Variants in PCDHA4 observed in about 807,000 individuals in gnomAD.
The protein encoded by PCDHA4 is protocadherin alpha 4.
PCDHA4 carries 49 observed loss-of-function variants against 61.4 expected under a neutral mutation model. The ratio of observed to expected loss-of-function variants is 0.80; its 90% CI spans 0.63 to 1.01. The LOEUF is 1.01. Ranked by LOEUF, PCDHA4 falls within the 50% of genes least tolerant of loss-of-function variation. The pLI is 0.00. For synonymous variants in PCDHA4, 590 were observed against 550.3 expected (o/e 1.07, Z -1.01); for missense variants, 1,254 against 1,235.8 (o/e 1.01, Z -0.22).
At chr5:140,927,547 G>A (rs2084343936) in intron 1 of PCDHA4, 2 of 1,614,126 alleles carry the variant, frequency 1.2e-6, no homozygotes, top group Non-Finnish European at 8.5e-7. Flanking sequence ...AGACGCACAA[G>A]TCACCATCAT....
chr5:140,872,999 T>C (rs534267052), intron 1 of PCDHA4, among the ~76,000 whole-genome samples: 3 of 152,296 alleles, frequency 2.0e-5, no homozygotes, highest in African/African-American at 7.2e-5. Context: ...TACTTCTGAG[T>C]CATTCTTCAT....
At chr5:141,009,577 C>T in intron 3 of PCDHA4, 50 bp from the exon 4 acceptor site, 1 of 1,584,324 alleles carries the variant, frequency 6.3e-7, no homozygotes, top group South Asian at 1.2e-5. Flanking sequence ...AGTGTGGCAT[C>T]AAGAGCATGT....
In PCDHA4 at chr5:140,850,252, G is replaced by GCGC. The variant is rs2150475866; in HGVS notation, c.2385+40683_2385+40685dup. ...AGCGAGATGGTGCTGCGGTCGGTGG[G>GCGC]CGCCGGCGTAGTGGTGGGGAAGGTG... is the stretch of plus-strand genomic sequence containing the variant. On this transcript the variant is annotated intron_variant, in intron 1 of 3. Coordinates refer to ENST00000530339, the MANE Select transcript of PCDHA4 (RefSeq NM_018907.4). 12 of 1,593,714 alleles carry GCGC rather than the reference G, an allele frequency of 7.5e-6. No homozygotes were observed. The East Asian group carries it at 2.7e-4, about 36-fold the overall frequency.
rs200253752 is a variant in PCDHA4, at chr5:140,890,259, T to TA, written c.2385+80687_2385+80688insA. ...TTTACCAGTACACTACTGCACCTGA[T>TA]TGCAAGCAAGAACCACTCAGTTGAG... On this transcript the variant is annotated intron_variant, in intron 1 of 3. Coordinates refer to ENST00000530339, the MANE Select transcript of PCDHA4 (RefSeq NM_018907.4). Among the ~76,000 whole-genome samples the TA allele has an allele frequency of 8.0e-3, 1,219 of 152,258 alleles. 6 individuals carry two copies. Among genetic ancestry groups the TA allele is most frequent in the African/African-American group, 0.019 (787 of 41,546 alleles).
chr5:140,942,906 G>A (rs1454697434), intron 1 of PCDHA4, among the ~76,000 whole-genome samples: 1 of 151,800 alleles, frequency 6.6e-6, no homozygotes, highest in South Asian at 2.1e-4. Flanking sequence ...CTAAGAATAA[G>A]CGTGAAGAAA....
intron 3 of PCDHA4, among the ~76,000 whole-genome samples, chr5:140,994,116 T>C: frequency 6.6e-6 from 1 of 152,196 alleles, no homozygotes; most frequent in East Asian, 1.9e-4. Context: ...CATTGTCATG[T>C]GATAAGGGCG....
At chr5:140,855,751 T>G in intron 1 of PCDHA4, 1 of 328,292 alleles carries the variant, frequency 3.0e-6, no homozygotes, top group Non-Finnish European at 5.6e-6. Flanking sequence ...ATGTGAGGCT[T>G]TGAAAGTCCA....
intron 3 of PCDHA4, among the ~76,000 whole-genome samples, chr5:140,983,853 A>T (rs1447321377): frequency 6.6e-6 from 1 of 152,230 alleles, no homozygotes; most frequent in African/African-American, 2.4e-5. Context: ...ATTAAGTAAC[A>T]TGCAGCTAAG....
At chr5:141,005,520 G>A (rs34458028) in intron 3 of PCDHA4, among the ~76,000 whole-genome samples, 7,602 of 151,238 alleles carry the variant, frequency 0.05, 239 homozygotes, top group South Asian at 0.11. Flanking sequence ...TGGCTAACAC[G>A]GTGAAACCCC....
chr5:140,843,319 G>A lies in PCDHA4; in HGVS notation c.2385+33747G>A, dbSNP rs1554139952. On this transcript the variant is annotated intron_variant, in intron 1 of 3. Coordinates refer to ENST00000530339, the MANE Select transcript of PCDHA4 (RefSeq NM_018907.4). The stretch of plus-strand genomic sequence containing the variant: ...CGCTGACCGCCACGGCCACGGTTCT[G>A]GTGTCGCTGGTGGAGAGCGGCCAGG... The A allele has an allele frequency of 5.6e-6, 9 of 1,595,928 alleles. 2 individuals carry two copies. In the African/African-American group the frequency reaches 1.2e-4, roughly 21 times the overall value.
chr5:140,839,524 G>A (rs1776264287), intron 1 of PCDHA4, among the ~76,000 whole-genome samples: 1 of 151,794 alleles, frequency 6.6e-6, no homozygotes, highest in Non-Finnish European at 1.5e-5. Context: ...CAAGTTGCTG[G>A]GACTATAGGC....
chr5:140,998,158 T>C (rs1306702034), intron 3 of PCDHA4, among the ~76,000 whole-genome samples: 1 of 152,232 alleles, frequency 6.6e-6, no homozygotes, highest in Non-Finnish European at 1.5e-5. Context: ...AGTTAAGCCA[T>C]GTGCCAAGTA....
At chr5:141,007,839 A>C (rs782046722) in intron 3 of PCDHA4, among the ~76,000 whole-genome samples, 2 of 152,226 alleles carry the variant, frequency 1.3e-5, no homozygotes, top group Non-Finnish European at 2.9e-5. Context: ...TACCCATTAG[A>C]GACTCAAAGT....
Position 140,978,996 on chromosome 5 carries a change from A to T in PCDHA4, c.2433A>T (p.Ala811=), listed in dbSNP as rs2096831053. The change falls in exon 2 of 4, where the codon GCA becomes GCT. Residue 811 remains alanine, a synonymous_variant. Coordinates refer to ENST00000530339, the MANE Select transcript of PCDHA4 (RefSeq NM_018907.4). ...GGCGTTACTCTGCCTCCCTGAGAGC[A>T]GGCATGCACAGGTATGTATTTCCCT... ...PDWRYSASLR[A]GMHSSVHLEE... 1 of 1,614,186 alleles carries T rather than the reference A, an allele frequency of 6.2e-7. No individual in the cohort carries two copies.
At chr5:140,967,354 C>T in intron 1 of PCDHA4, 1 of 1,607,952 alleles carries the variant, frequency 6.2e-7, no homozygotes, top group South Asian at 1.1e-5. Flanking sequence ...TCGAGCTGGA[C>T]CTTAAGCCCC....
intron 1 of PCDHA4, among the ~76,000 whole-genome samples, chr5:140,965,161 G>A (rs151157194): frequency 1.5e-4 from 23 of 152,334 alleles, no homozygotes; most frequent in African/African-American, 5.5e-4. Flanking sequence ...GAGAAAGGAC[G>A]TTTTAGTGAG....
intron 1 of PCDHA4, chr5:140,856,463 C>T (rs782279735): frequency 1.3e-6 from 2 of 1,598,356 alleles, no homozygotes; most frequent in Admixed American, 3.4e-5. Context: ...AGAACAAAAG[C>T]TCTCAATACC....
At chr5:140,857,104 T>G in intron 1 of PCDHA4, 6 of 1,597,962 alleles carry the variant, frequency 3.8e-6, no homozygotes, top group Non-Finnish European at 5.1e-6. Flanking sequence ...TGATTGTCAC[T>G]TCTCTGTCTC....
chr5:140,891,056 T>C (rs2062933451), intron 1 of PCDHA4, among the ~76,000 whole-genome samples: 1 of 152,196 alleles, frequency 6.6e-6, no homozygotes, highest in Non-Finnish European at 1.5e-5. Context: ...CAGCACATAG[T>C]AAATATTATT....
Sources: gnomAD v4.1 joint callset for allele counts (sites outside exome capture counted in the v4.1 genomes callset) on GRCh38, gnomAD v4.1.1 for gene constraint, MANE v1.5 for transcripts, NCBI Gene and HGNC (gene_info 2026-07-23, HGNC 2026-07-21) for gene names.